PAX8: variants seen among roughly 807,000 people sequenced by gnomAD.
PAX8 encodes the protein paired box 8.
Under a neutral mutation model 52.4 loss-of-function variants are expected in PAX8, and 15 were observed. That is an observed-to-expected ratio of 0.29 (90% CI 0.19 to 0.44). The LOEUF (loss-of-function observed/expected upper bound fraction) is 0.44. PAX8 is among the 20% of genes least tolerant of loss of function. The pLI, the probability that PAX8 is intolerant of heterozygous loss-of-function variation, is 1.00. For missense variants in PAX8, 554 were observed against 602.5 expected (o/e 0.92, Z 0.84); for synonymous variants, 284 against 249.7 (o/e 1.14, Z -1.29).
chr2:113,242,240 A>T (rs1573461718), intron 5 of PAX8, 110 bp from the exon 6 acceptor site: 19 of 650,252 alleles, frequency 2.9e-5, no homozygotes, highest in East Asian at 2.0e-4. Context: ...GCTGGGGGAG[A>T]GGGAGAGGAG....
At chr2:113,247,484 T>C (rs1427791628) in intron 2 of PAX8, among the ~76,000 whole-genome samples, 1 of 152,100 alleles carries the variant, frequency 6.6e-6, no homozygotes, top group Admixed American at 6.6e-5. Flanking sequence ...GAGCTCTGTC[T>C]GTGGACTTCT....
intron 2 of PAX8, chr2:113,270,243 C>G (rs1693371096): frequency 6.6e-6 from 1 of 152,204 alleles, no homozygotes; most frequent in Admixed American, 6.5e-5. Context: ...GTTCTGGAGA[C>G]TCCACTCCTT....
At chr2:113,263,334 C>T (rs7585510) in intron 2 of PAX8, 12,647 of 152,604 alleles carry the variant, frequency 0.083, 945 homozygotes, top group African/African-American at 0.2. Flanking sequence ...GCTGGATTCC[C>T]TCCAATTACC....
At chr2:113,231,230 G>C (rs1246708688) in intron 9 of PAX8, among the ~76,000 whole-genome samples, 1 of 152,206 alleles carries the variant, frequency 6.6e-6, no homozygotes, top group Non-Finnish European at 1.5e-5. Flanking sequence ...ATGGAGGAGG[G>C]GAATGGACTC....
chr2:113,278,671 C>T, intron 1 of PAX8, 160 bp downstream of exon 1: 1 of 632,444 alleles, frequency 1.6e-6, no homozygotes, highest in East Asian at 2.9e-5. Flanking sequence ...GCTGAAGAAG[C>T]TCCAGACTCC....
In PAX8 at chr2:113,236,630, G is replaced by A. The variant is rs199524980; in HGVS notation, c.869C>T (p.Ser290Leu). 5 of 1,591,962 alleles carry A rather than the reference G, an allele frequency of 3.1e-6. No homozygotes were observed. The highest frequency in any genetic ancestry group is 1.1e-5 in the South Asian group (1 of 87,248). The change falls in exon 8 of 12, where the codon TCG (serine) becomes TTG (leucine). Residue 290 changes from serine to leucine, a missense_variant. This residue lies in a region of PAX8 where 445 missense variants were observed against 409.9 expected (regional missense o/e 1.09). Transcript: ENST00000429538. Reference sequence around the variant, plus strand: ...CACCACGGGGTAGGTCTGGTGAGTCGAGAGGTTGCGCCCCAGTGGCGTGTT... The same window carrying A: ...CACCACGGGGTAGGTCTGGTGAGTCAAGAGGTTGCGCCCCAGTGGCGTGTT... Reference protein sequence around the residue: ...PSNTPLGRNLSTHQTYPVVAD... With the variant: ...PSNTPLGRNLLTHQTYPVVAD...
intron 10 of PAX8, chr2:113,226,450 G>C (rs1689574016): frequency 1.0e-6 from 1 of 988,016 alleles, no homozygotes; most frequent in South Asian, 4.7e-5. Flanking sequence ...CATTTGTCCA[G>C]ACCTTGTCAT....
In PAX8 at chr2:113,227,267, A is replaced by G. The variant is rs1290414094; in HGVS notation, c.1088-11T>C. 1 of 1,601,946 alleles carries G rather than the reference A, an allele frequency of 6.2e-7. No individual in the cohort carries two copies. Among genetic ancestry groups the G allele is most frequent in the Non-Finnish European group, 8.5e-7 (1 of 1,174,352 alleles). On this transcript the variant is annotated splice_polypyrimidine_tract_variant and intron_variant, in intron 9 of 11. Coordinates refer to ENST00000429538, the MANE Select transcript of PAX8 (RefSeq NM_003466.4). ...CCACCATCTCTCGCCCTGGAAAAATACAGCAAAGAGTCGTCAGTTGGACCA... is the reference window on the plus strand; with the variant it reads ...CCACCATCTCTCGCCCTGGAAAAATGCAGCAAAGAGTCGTCAGTTGGACCA...
intron 10 of PAX8, 47 bp from the exon 11 acceptor site, chr2:113,220,225 A>G (rs1277984951): frequency 5.5e-6 from 8 of 1,444,914 alleles, no homozygotes; most frequent in Admixed American, 3.4e-5. Context: ...AAGGGCATCA[A>G]TGCAGGGCTG....
chr2:113,257,034 C>T (rs1303466819), intron 2 of PAX8, among the ~76,000 whole-genome samples: 1 of 152,104 alleles, frequency 6.6e-6, no homozygotes, highest in African/African-American at 2.4e-5. Context: ...AAAGATGGGT[C>T]TCTGCCCTCT....
At chr2:113,230,891 T>C (rs564464584) in intron 9 of PAX8, among the ~76,000 whole-genome samples, 122 of 152,266 alleles carry the variant, frequency 8.0e-4, no homozygotes, top group African/African-American at 2.6e-3. Flanking sequence ...CACCCAAATT[T>C]CTTTCCAACG....
intron 9 of PAX8, among the ~76,000 whole-genome samples, chr2:113,232,945 G>A (rs937549920): frequency 1.3e-5 from 2 of 151,922 alleles, no homozygotes; most frequent in African/African-American, 4.8e-5. Context: ...ACCGCCGCCA[G>A]CTCTAGCCTG....
At chr2:113,235,322 G>T in intron 9 of PAX8, 72 bp downstream of exon 9, 1 of 1,298,494 alleles carries the variant, frequency 7.7e-7, no homozygotes, top group East Asian at 2.5e-5. Flanking sequence ...AGAGGGGGCT[G>T]GCGGTCTGCC....
intron 9 of PAX8, among the ~76,000 whole-genome samples, chr2:113,231,853 C>G (rs13423615): frequency 6.6e-6 from 1 of 152,116 alleles, no homozygotes; most frequent in Non-Finnish European, 1.5e-5. Context: ...CTCAGCCTCC[C>G]GAGTAGCTGG....
At chr2:113,241,852 C>T (rs1690875689) in intron 6 of PAX8, 126 bp from the exon 7 acceptor site, 1 of 1,446,656 alleles carries the variant, frequency 6.9e-7, no homozygotes, top group African/African-American at 1.4e-5. Flanking sequence ...CACGTGGGCC[C>T]AGGAGCCTTG....
At chr2:113,259,789 C>G (rs1014041529) in intron 2 of PAX8, among the ~76,000 whole-genome samples, 4 of 152,224 alleles carry the variant, frequency 2.6e-5, no homozygotes, top group Non-Finnish European at 5.9e-5. Flanking sequence ...AGAGGTCATT[C>G]TTCCCAGATC....
chr2:113,277,202 G>A (rs1573561364), intron 2 of PAX8, among the ~76,000 whole-genome samples: 1 of 152,184 alleles, frequency 6.6e-6, no homozygotes, highest in East Asian at 1.9e-4. Context: ...GGGAATGGGG[G>A]CCGGGAGGGA....
chr2:113,251,799 G>A (rs946842511), intron 2 of PAX8, among the ~76,000 whole-genome samples: 5 of 152,192 alleles, frequency 3.3e-5, no homozygotes, highest in Admixed American at 1.3e-4. Flanking sequence ...CCCTTAAGAT[G>A]TGGAAATCCT....
intron 8 of PAX8, 42 bp from the exon 9 acceptor site, chr2:113,235,624 A>G: frequency 1.3e-6 from 2 of 1,530,868 alleles, no homozygotes; most frequent in South Asian, 1.2e-5. Flanking sequence ...GGGGTGTGAG[A>G]TGGCGGGGAG....
Sources: gnomAD v4.1 joint callset for allele counts (sites outside exome capture counted in the v4.1 genomes callset) on GRCh38, gnomAD v4.1.1 for gene constraint, gnomAD v4.1.1 regional missense constraint, MANE v1.5 for transcripts, NCBI Gene and HGNC (gene_info 2026-07-23, HGNC 2026-07-21) for gene names.